CSMD2: variants seen among roughly 807,000 people sequenced by gnomAD.
The protein encoded by CSMD2 is CUB and Sushi multiple domains 2.
Under a neutral mutation model 398.5 loss-of-function variants are expected in CSMD2, and 130 were observed. The observed-to-expected ratio is 0.33, with a 90% CI of 0.28 to 0.38. CSMD2 has a LOEUF of 0.38. Among genes scored for constraint, CSMD2 ranks in the 10% least tolerant of loss-of-function variants. CSMD2 has a pLI of 1.00. For missense variants in CSMD2, 3,829 were observed against 4,764.9 expected (o/e 0.80, Z 5.78); for synonymous variants, 1,828 against 1,908.5 (o/e 0.96, Z 1.10).
At chr1:33,778,192 C>T (rs1652244927) in intron 12 of CSMD2, among the ~76,000 whole-genome samples, 1 of 152,106 alleles carries the variant, frequency 6.6e-6, no homozygotes, top group Non-Finnish European at 1.5e-5. Flanking sequence ...CTTTGCACCC[C>T]ATTCTTTTTA....
intron 64 of CSMD2, among the ~76,000 whole-genome samples, chr1:33,529,482 T>C (rs2148552886): frequency 6.6e-6 from 1 of 152,328 alleles, no homozygotes; most frequent in East Asian, 1.9e-4. Context: ...TATAAACTCA[T>C]ACATTTATGG....
chr1:33,724,510 C>A lies in CSMD2; in HGVS notation c.2884+6G>T, dbSNP rs1381759486. On this transcript the variant is annotated splice_donor_region_variant and intron_variant, in intron 18 of 70. Transcript: ENST00000373381. ...TACTTTAGCGCCCCCTCATGGTGTC[C>A]CTCACCTTCACAACTGGGCAGGGCC... The A allele has an allele frequency of 6.2e-7, 1 of 1,612,564 alleles. No homozygotes were observed. The highest frequency in any genetic ancestry group is 1.7e-4 in the Middle Eastern group (1 of 6,054).
intron 22 of CSMD2, among the ~76,000 whole-genome samples, chr1:33,705,270 C>A (rs943740844): frequency 6.6e-6 from 1 of 152,096 alleles, no homozygotes; most frequent in African/African-American, 2.4e-5. Flanking sequence ...GAAATTTACT[C>A]TTTTAGTGAT....
intron 64 of CSMD2, among the ~76,000 whole-genome samples, chr1:33,529,541 T>C (rs1655064790): frequency 6.6e-6 from 1 of 152,174 alleles, no homozygotes; most frequent in Non-Finnish European, 1.5e-5. Context: ...AGGGAAAGAA[T>C]AGTCTTGCCA....
chr1:34,006,137 C>G (rs904938095), intron 3 of CSMD2, among the ~76,000 whole-genome samples: 1 of 152,166 alleles, frequency 6.6e-6, no homozygotes. Flanking sequence ...AGAACTCCAG[C>G]CCATCTTGGT....
chr1:33,705,961 T>C (rs1468512427), intron 22 of CSMD2, among the ~76,000 whole-genome samples: 1 of 152,044 alleles, frequency 6.6e-6, no homozygotes, highest in African/African-American at 2.4e-5. Flanking sequence ...GTTGGTTTGG[T>C]TGACAATTGC....
chr1:33,972,007 G>T (rs1645789383), intron 3 of CSMD2, among the ~76,000 whole-genome samples: 1 of 152,120 alleles, frequency 6.6e-6, no homozygotes, highest in African/African-American at 2.4e-5. Flanking sequence ...AGTCCTCAAA[G>T]GACTGCTGCG....
chr1:33,957,358 T>C (rs1645202528), intron 3 of CSMD2, among the ~76,000 whole-genome samples: 1 of 152,174 alleles, frequency 6.6e-6, no homozygotes, highest in African/African-American at 2.4e-5. Context: ...GCATGCTGCC[T>C]GGCAAGACGT....
At chr1:33,545,414 C>T (rs1656781371) in intron 57 of CSMD2, among the ~76,000 whole-genome samples, 1 of 152,180 alleles carries the variant, frequency 6.6e-6, no homozygotes, top group African/African-American at 2.4e-5. Context: ...TATCTTTTGG[C>T]ACATTGAATA....
chr1:33,722,470 T>A (rs1646388323), intron 19 of CSMD2, among the ~76,000 whole-genome samples: 1 of 152,232 alleles, frequency 6.6e-6, no homozygotes, highest in Non-Finnish European at 1.5e-5. Context: ...CTTTGATGAC[T>A]TAAAAAGGGA....
chr1:33,898,395 T>TA (rs1287926783), intron 5 of CSMD2, among the ~76,000 whole-genome samples: 1 of 152,180 alleles, frequency 6.6e-6, no homozygotes, highest in African/African-American at 2.4e-5. Flanking sequence ...TTTCCTTTTT[T>TA]AAAAAAACTT....
intron 32 of CSMD2, among the ~76,000 whole-genome samples, chr1:33,628,314 A>C (rs182275339): frequency 1.1e-3 from 173 of 152,328 alleles, no homozygotes; most frequent in Admixed American, 2.1e-3. Flanking sequence ...GATGAAAAAA[A>C]AATCCATATG....
intron 27 of CSMD2, 51 bp downstream of exon 27, chr1:33,657,895 C>T: frequency 6.5e-7 from 1 of 1,539,580 alleles, no homozygotes; most frequent in Non-Finnish European, 8.9e-7. Context: ...GGTTCTGGAG[C>T]ACACAACTGT....
chr1:34,040,163 C>G (rs376678757), intron 2 of CSMD2, among the ~76,000 whole-genome samples: 1 of 149,758 alleles, frequency 6.7e-6, no homozygotes, highest in East Asian at 2.0e-4. Context: ...TGTGCTCCAG[C>G]CTGGGCAAAA....
intron 4 of CSMD2, among the ~76,000 whole-genome samples, chr1:33,922,853 G>T (rs1643992134): frequency 6.6e-6 from 1 of 152,092 alleles, no homozygotes; most frequent in Non-Finnish European, 1.5e-5. Flanking sequence ...CAGCCATGAA[G>T]CCCCCTCCTG....
chr1:33,794,996 A>C (rs1194320143), intron 10 of CSMD2, among the ~76,000 whole-genome samples: 1 of 124,564 alleles, frequency 8.0e-6, no homozygotes, highest in African/African-American at 3.1e-5. Flanking sequence ...GTCTAGATGA[A>C]GTGGGATGTG....
intron 56 of CSMD2, among the ~76,000 whole-genome samples, chr1:33,549,721 TGG>T (rs997741363): frequency 4.9e-4 from 74 of 152,212 alleles, no homozygotes; most frequent in Middle Eastern, 3.4e-3. Flanking sequence ...GGAAGGAGGC[TGG>T]GGCCTACGAG....
intron 2 of CSMD2, among the ~76,000 whole-genome samples, chr1:34,085,420 C>T (rs542695175): frequency 6.6e-6 from 1 of 151,248 alleles, no homozygotes; most frequent in African/African-American, 2.4e-5. Flanking sequence ...TAAATTGTAC[C>T]CTTCCACACT....
chr1:33,992,337 C>T lies in CSMD2; in HGVS notation c.517+40257G>A, dbSNP rs376514399. ...CTGGGTAGCTGGGACTATAGGCGTG[C>T]GCCACCATGTTCACCAGGCTCACCA... On this transcript the variant is annotated intron_variant, in intron 3 of 70. Coordinates refer to ENST00000373381, the MANE Select transcript of CSMD2 (RefSeq NM_001281956.2). Among the ~76,000 whole-genome samples the T allele has an allele frequency of 6.0e-4, 91 of 152,096 alleles. No individual in the cohort carries two copies. The Middle Eastern group carries it at 0.01, about 17-fold the overall frequency.
Sources: gnomAD v4.1 joint callset for allele counts (sites outside exome capture counted in the v4.1 genomes callset) on GRCh38, gnomAD v4.1.1 for gene constraint, MANE v1.5 for transcripts, NCBI Gene and HGNC (gene_info 2026-07-23, HGNC 2026-07-21) for gene names.